BBX: variants seen among roughly 807,000 people sequenced by gnomAD.
BBX encodes the protein BBX high mobility group box domain containing, also known as HMG box transcription factor BBX.
A neutral mutation model predicts 100.2 loss-of-function variants in BBX; 30 were observed. The ratio of observed to expected loss-of-function variants is 0.30; its 90% confidence interval spans 0.22 to 0.41. The LOEUF is 0.41. Ranked by LOEUF, BBX falls within the 10% of genes least tolerant of loss-of-function variation. The pLI is 1.00. For missense variants in BBX, 1,023 were observed against 1,129.8 expected, an observed-to-expected ratio of 0.91 and a Z score of 1.35; for synonymous variants, 376 against 388.1, an observed-to-expected ratio of 0.97 and a Z score of 0.37.
chr3:107,568,048 A>G (rs1455114107), intron 2 of BBX, among the ~76,000 whole-genome samples: 1 of 149,506 alleles, frequency 6.7e-6, no homozygotes, highest in African/African-American at 2.5e-5. Context: ...CTCCTGGATT[A>G]TTGTTAAAAG....
chr3:107,740,649 A>G (rs1427446235), intron 7 of BBX, among the ~76,000 whole-genome samples: 1 of 152,028 alleles, frequency 6.6e-6, no homozygotes, highest in Non-Finnish European at 1.5e-5. Context: ...AATGCATCTT[A>G]TTCTTCAGCC....
At chr3:107,643,252 CAGT>C (rs1467073971) in intron 2 of BBX, among the ~76,000 whole-genome samples, 1 of 152,118 alleles carries the variant, frequency 6.6e-6, no homozygotes, top group African/African-American at 2.4e-5. Context: ...CAGCGTGTGT[CAGT>C]GGTGGTTTAG....
At chr3:107,785,877 G>A (rs2068367714) in intron 13 of BBX, among the ~76,000 whole-genome samples, 1 of 152,146 alleles carries the variant, frequency 6.6e-6, no homozygotes, top group African/African-American at 2.4e-5. Context: ...TAGAAAGGAA[G>A]AGGTAAAATT....
chr3:107,679,672 TG>T (rs985108852), intron 3 of BBX, among the ~76,000 whole-genome samples: 15 of 152,094 alleles, frequency 9.9e-5, no homozygotes, highest in African/African-American at 3.6e-4. Context: ...CTTTATAAAA[TG>T]GAAAAAATAA....
At chr3:107,602,697 A>G (rs1295544660) in intron 2 of BBX, among the ~76,000 whole-genome samples, 2 of 152,236 alleles carry the variant, frequency 1.3e-5, no homozygotes, top group African/African-American at 4.8e-5. Context: ...TGGTAGAAAT[A>G]GCAGGAAAAC....
At chr3:107,619,544 T>A (rs2055577917) in intron 2 of BBX, among the ~76,000 whole-genome samples, 1 of 152,098 alleles carries the variant, frequency 6.6e-6, no homozygotes, top group Admixed American at 6.6e-5. Context: ...CCATTTTTTT[T>A]TTGTCCTTTC....
chr3:107,590,072 T>A (rs771388615), intron 2 of BBX, among the ~76,000 whole-genome samples: 1 of 152,224 alleles, frequency 6.6e-6, no homozygotes, highest in Non-Finnish European at 1.5e-5. Context: ...TATGAACTAT[T>A]TCCCTTAAAG....
At chr3:107,681,723 G>C (rs763886214) in intron 3 of BBX, among the ~76,000 whole-genome samples, 7 of 152,240 alleles carry the variant, frequency 4.6e-5, no homozygotes, top group Admixed American at 1.3e-4. Flanking sequence ...CATATACTGA[G>C]AGAATAAAGT....
chr3:107,780,104 T>C (rs2067722256), intron 13 of BBX, among the ~76,000 whole-genome samples: 1 of 152,050 alleles, frequency 6.6e-6, no homozygotes, highest in Non-Finnish European at 1.5e-5. Context: ...CCATAATGGA[T>C]TGCCAAATGA....
intron 3 of BBX, among the ~76,000 whole-genome samples, chr3:107,701,906 G>A (rs2061087066): frequency 6.6e-6 from 1 of 152,056 alleles, no homozygotes; most frequent in Non-Finnish European, 1.5e-5. Context: ...CTGGTACATA[G>A]GAAGCATTAT....
At chr3:107,795,548 G>A (rs2069539366) in intron 15 of BBX, among the ~76,000 whole-genome samples, 1 of 150,088 alleles carries the variant, frequency 6.7e-6, no homozygotes, top group Non-Finnish European at 1.5e-5. Context: ...AGTAGGTTTA[G>A]AGGAGACCTC....
At position 107,714,536 on chromosome 3, in the gene BBX, A is replaced by G. The variant is rs76600864; in HGVS notation, c.163-2071A>G. On this transcript the variant is annotated intron_variant, in intron 4 of 17. Coordinates refer to ENST00000325805, the MANE Select transcript of BBX (RefSeq NM_001142568.3). Reference sequence around the variant, plus strand: ...AAATATAATTGCTTCTTCATCTTATATATTAATAGTACACTTTTTAGTTTT... The same window carrying G: ...AAATATAATTGCTTCTTCATCTTATGTATTAATAGTACACTTTTTAGTTTT... 1.0e-3 allele frequency among the ~76,000 whole-genome samples: 153 copies of G among 152,292 alleles called. 2 individuals carry two copies. In the East Asian group the frequency reaches 0.022, roughly 22 times the overall value.
chr3:107,641,333 C>T (rs900006854), intron 2 of BBX, among the ~76,000 whole-genome samples: 1 of 152,156 alleles, frequency 6.6e-6, no homozygotes, highest in African/African-American at 2.4e-5. Flanking sequence ...GATCCACCTG[C>T]CTGGGCCTTC....
intron 5 of BBX, among the ~76,000 whole-genome samples, chr3:107,722,938 G>C (rs765322899): frequency 1.3e-5 from 2 of 151,864 alleles, no homozygotes; most frequent in African/African-American, 4.8e-5. Context: ...ATTTCTGCTC[G>C]TGGATGGGAA....
intron 2 of BBX, among the ~76,000 whole-genome samples, chr3:107,612,738 A>G (rs1481577281): frequency 1.3e-5 from 2 of 152,144 alleles, no homozygotes; most frequent in Admixed American, 6.5e-5. Flanking sequence ...TGCTGTAACC[A>G]CTACTTGTCT....
intron 3 of BBX, among the ~76,000 whole-genome samples, chr3:107,674,389 A>G (rs1405232060): frequency 2.6e-5 from 4 of 152,128 alleles, no homozygotes; most frequent in Admixed American, 2.6e-4. Context: ...GTTTAGTAGT[A>G]ACATAAAAAG....
chr3:107,792,542 G>A (rs2069170586), intron 15 of BBX, among the ~76,000 whole-genome samples: 1 of 152,176 alleles, frequency 6.6e-6, no homozygotes, highest in South Asian at 2.1e-4. Context: ...TCATTTACAT[G>A]AGCCACATCA....
At chr3:107,694,312 T>C in intron 3 of BBX, among the ~76,000 whole-genome samples, 1 of 94,762 alleles carries the variant, frequency 1.1e-5, no homozygotes, top group African/African-American at 4.4e-5. Context: ...GCCCATTCAG[T>C]ATGATATTGG....
At chr3:107,626,473 A>T (rs373594188) in intron 2 of BBX, among the ~76,000 whole-genome samples, 1 of 152,166 alleles carries the variant, frequency 6.6e-6, no homozygotes, top group African/African-American at 2.4e-5. Flanking sequence ...TAGCTGTGTG[A>T]TTCTGGCTCA....
Sources: gnomAD v4.1 joint callset for allele counts (sites outside exome capture counted in the v4.1 genomes callset) on GRCh38, gnomAD v4.1.1 for gene constraint, MANE v1.5 for transcripts, NCBI Gene and HGNC (gene_info 2026-07-23, HGNC 2026-07-21) for gene names.